The following GRAMD1B variants were observed in gnomAD, a reference collection of about 807,000 sequenced individuals.
The protein encoded by GRAMD1B is GRAM domain containing 1B.
In GRAMD1B, 37 loss-of-function variants were observed where a neutral mutation model predicts 99.7. That is an observed-to-expected ratio of 0.37 (90% confidence interval 0.29 to 0.49). The LOEUF (loss-of-function observed/expected upper bound fraction) is 0.49. Among genes scored for constraint, GRAMD1B ranks in the 20% least tolerant of loss-of-function variants. GRAMD1B has a pLI of 0.98. For synonymous variants in GRAMD1B, 427 were observed against 387.6 expected, an observed-to-expected ratio of 1.10 and a Z score of -1.19; for missense variants, 888 against 1,009.2, an observed-to-expected ratio of 0.88 and a Z score of 1.63.
chr11:123,605,570 A>G (rs930072885), intron 10 of GRAMD1B, 92 bp downstream of exon 10: 10 of 1,015,756 alleles, frequency 9.8e-6, no homozygotes, highest in African/African-American at 1.6e-5. Flanking sequence ...GGGAGCAGGT[A>G]GAGAGGAGAT....
intron 17 of GRAMD1B, chr11:123,618,478 C>A: frequency 1.1e-6 from 1 of 915,002 alleles, no homozygotes; most frequent in Non-Finnish European, 1.8e-6. Context: ...GCCTTCATCC[C>A]ATGCCCCTCT....
chr11:123,609,294 A>G (rs1953201744), intron 12 of GRAMD1B, among the ~76,000 whole-genome samples: 1 of 152,112 alleles, frequency 6.6e-6, no homozygotes, highest in South Asian at 2.1e-4. Context: ...CTGGGGGTTC[A>G]TGCTTTGACC....
chr11:123,557,369 A>C (rs1946276275), intron 2 of GRAMD1B, among the ~76,000 whole-genome samples: 1 of 152,226 alleles, frequency 6.6e-6, no homozygotes, highest in Non-Finnish European at 1.5e-5. Flanking sequence ...TGAGGGTAGC[A>C]GGCAAATAAC....
chr11:123,459,920 A>G (rs1009278369), intron 1 of GRAMD1B: 1 of 152,104 alleles, frequency 6.6e-6, no homozygotes, highest in African/African-American at 2.4e-5. Context: ...TGAATGAATT[A>G]TTTACTTTAT....
At chr11:123,593,712 C>T (rs1219007897) in intron 4 of GRAMD1B, among the ~76,000 whole-genome samples, 1 of 152,136 alleles carries the variant, frequency 6.6e-6, no homozygotes, top group African/African-American at 2.4e-5. Context: ...TGGGTCCCTG[C>T]TTCACTGTCA....
intron 2 of GRAMD1B, among the ~76,000 whole-genome samples, chr11:123,489,062 T>C (rs1420670905): frequency 2.0e-5 from 3 of 151,932 alleles, no homozygotes; most frequent in Non-Finnish European, 4.4e-5. Flanking sequence ...GCCACTGGAC[T>C]AAGGGGAGAG....
intron 11 of GRAMD1B, 48 bp downstream of exon 11, chr11:123,606,846 G>A (rs1592247968): frequency 6.8e-7 from 1 of 1,464,720 alleles, no homozygotes; most frequent in African/African-American, 1.4e-5. Context: ...CTGTTTTGAA[G>A]GCTAAAAGGA....
At chr11:123,548,325 T>TACACACACACACACACACACAC (rs138083511) in intron 2 of GRAMD1B, among the ~76,000 whole-genome samples, 8 of 86,898 alleles carry the variant, frequency 9.2e-5, no homozygotes, top group Non-Finnish European at 1.3e-4. Context: ...TATATATATA[T>TACACACACACACACACACACAC]ACACACACAC....
intron 1 of GRAMD1B, among the ~76,000 whole-genome samples, chr11:123,389,330 G>A (rs1565466926): frequency 6.6e-6 from 1 of 151,376 alleles, no homozygotes; most frequent in Non-Finnish European, 1.5e-5. Flanking sequence ...CTTGCAGTGA[G>A]CCGTGATCGA....
At chr11:123,603,979 A>G (rs1297298424) in intron 9 of GRAMD1B, among the ~76,000 whole-genome samples, 1 of 152,206 alleles carries the variant, frequency 6.6e-6, no homozygotes, top group African/African-American at 2.4e-5. Flanking sequence ...GGATATGTTG[A>G]TGGAACAGAA....
At chr11:123,582,674 G>T (rs984852235) in intron 3 of GRAMD1B, among the ~76,000 whole-genome samples, 5 of 147,326 alleles carry the variant, frequency 3.4e-5, no homozygotes, top group Admixed American at 2.0e-4. Flanking sequence ...GTTTCACTGT[G>T]GGGGGTGAAG....
At chr11:123,567,855 GGGTAAC>G in intron 2 of GRAMD1B, among the ~76,000 whole-genome samples, 1 of 152,304 alleles carries the variant, frequency 6.6e-6, no homozygotes, top group Non-Finnish European at 1.5e-5. Flanking sequence ...ACCACTGGAA[GGGTAAC>G]TGAAGTGCTA....
chr11:123,617,297 C>A (rs766799506), intron 17 of GRAMD1B, among the ~76,000 whole-genome samples: 1 of 151,974 alleles, frequency 6.6e-6, no homozygotes, highest in Non-Finnish European at 1.5e-5. Flanking sequence ...AATCCTCCTG[C>A]CTCAGCTTCC....
At chr11:123,500,558 T>G (rs1327680903) in intron 2 of GRAMD1B, among the ~76,000 whole-genome samples, 1 of 152,210 alleles carries the variant, frequency 6.6e-6, no homozygotes, top group Non-Finnish European at 1.5e-5. Context: ...AGTCTACAAA[T>G]GTGACCAGTA....
At chr11:123,597,102 G>A (rs1951361388) in intron 7 of GRAMD1B, among the ~76,000 whole-genome samples, 1 of 151,248 alleles carries the variant, frequency 6.6e-6, no homozygotes, top group African/African-American at 2.4e-5. Context: ...ATGTTGGGCT[G>A]CAGGCCAATT....
intron 2 of GRAMD1B, among the ~76,000 whole-genome samples, chr11:123,536,768 T>A (rs1486881522): frequency 6.6e-6 from 1 of 152,144 alleles, no homozygotes; most frequent in Non-Finnish European, 1.5e-5. Context: ...TCCTTTCAAG[T>A]GAACAGCCTC....
chr11:123,450,580 A>T (rs1481606684), intron 1 of GRAMD1B, among the ~76,000 whole-genome samples: 1 of 152,218 alleles, frequency 6.6e-6, no homozygotes, highest in Non-Finnish European at 1.5e-5. Flanking sequence ...CTGAAAGGGA[A>T]TTAGTTTGTT....
chr11:123,553,966 G>T (rs1185612410), intron 2 of GRAMD1B, among the ~76,000 whole-genome samples: 1 of 152,116 alleles, frequency 6.6e-6, no homozygotes, highest in African/African-American at 2.4e-5. Flanking sequence ...TAACAATCTA[G>T]CTTTCTTCCT....
At chr11:123,399,986 T>C (rs927769540) in intron 1 of GRAMD1B, among the ~76,000 whole-genome samples, 7 of 152,236 alleles carry the variant, frequency 4.6e-5, no homozygotes, top group African/African-American at 1.2e-4. Context: ...TTGAACCTGG[T>C]AACCATTTAT....
Sources: gnomAD v4.1 joint callset for allele counts (sites outside exome capture counted in the v4.1 genomes callset) on GRCh38, gnomAD v4.1.1 for gene constraint, MANE v1.5 for transcripts, NCBI Gene and HGNC (gene_info 2026-07-23, HGNC 2026-07-21) for gene names.